HAGH: variants seen among roughly 807,000 people sequenced by gnomAD.
HAGH encodes hydroxyacylglutathione hydrolase, also known as hydroxyacylglutathione hydrolase, mitochondrial.
A neutral mutation model predicts 35.1 loss-of-function variants in HAGH; 29 were observed. The observed-to-expected ratio is 0.83, with a 90% CI of 0.62 to 1.13. HAGH has a LOEUF of 1.13. Ranked by LOEUF, HAGH falls within the 50% of genes most tolerant of loss-of-function variation. HAGH has a pLI of 0.00. For missense variants in HAGH, 478 were observed against 419.6 expected (o/e 1.14, Z -1.22); for synonymous variants, 225 against 176.1 (o/e 1.28, Z -2.20).
intron 2 of HAGH, 80 bp from the exon 3 acceptor site, chr16:1,822,444 C>T: frequency 9.2e-7 from 1 of 1,085,716 alleles, no homozygotes. Context: ...GGGTGCCCAG[C>T]AGAACCCAGG....
At chr16:1,826,100 C>A (rs1294595741) in intron 1 of HAGH, among the ~76,000 whole-genome samples, 2 of 152,232 alleles carry the variant, frequency 1.3e-5, no homozygotes, top group African/African-American at 4.8e-5. Context: ...CCCTGCAGAG[C>A]CTTGACAGCT....
rs199869920 is a variant in HAGH, at chr16:1,809,399, C to T, written c.828-17G>A. 784 of 1,597,730 alleles carry T rather than the reference C, an allele frequency of 4.9e-4. 5 individuals carry two copies. In the African/African-American group the frequency reaches 8.9e-3, roughly 18 times the overall value. Reference sequence around the variant, plus strand: ...GTCTTCTCCCTGCGGAGGCCAGCACCGGGCTGCAGGCTGTGCCGAGCCACG... The same window carrying T: ...GTCTTCTCCCTGCGGAGGCCAGCACTGGGCTGCAGGCTGTGCCGAGCCACG... On this transcript the variant is annotated splice_polypyrimidine_tract_variant and intron_variant, in intron 8 of 8. Coordinates refer to ENST00000397356, the MANE Select transcript of HAGH (RefSeq NM_005326.6).
rs571858440 is a variant in HAGH, at chr16:1,809,435, G to A, written c.828-53C>T. The A allele has an allele frequency of 5.6e-5, 80 of 1,424,078 alleles. 1 individual carries two copies. In the South Asian group the frequency reaches 6.4e-4, roughly 11 times the overall value. The allele number at this position is 1,424,078 out of a possible 1,614,324, so 88.2% of individuals were successfully genotyped here. A position where few individuals can be genotyped will look rare whatever the true frequency, so the allele number is the denominator to read the frequency against. On this transcript the variant is annotated intron_variant, in intron 8 of 8. Coordinates refer to ENST00000397356, the MANE Select transcript of HAGH (RefSeq NM_005326.6). ...CTGTGCCGAGCCACGCCCACCGGAG[G>A]AGCCAGGGCCACTGCAGAGGAAGGC...
chr16:1,826,578 A>G (rs1898437046), intron 1 of HAGH, 134 bp downstream of exon 1: 1 of 980,728 alleles, frequency 1.0e-6, no homozygotes, highest in Non-Finnish European at 1.2e-6. Flanking sequence ...CCTCCGCTCG[A>G]GCCCGGCAGC....
At chr16:1,821,651 TG>T (rs1261132864) in intron 3 of HAGH, 1 of 152,302 alleles carries the variant, frequency 6.6e-6, no homozygotes, top group Non-Finnish European at 1.5e-5. Context: ...TTGTTTTTTT[TG>T]AGACGGAGTC....
chr16:1,825,293 G>A (rs539336706), intron 1 of HAGH, among the ~76,000 whole-genome samples: 4 of 152,272 alleles, frequency 2.6e-5, no homozygotes, highest in South Asian at 2.1e-4. Context: ...CTGCCCAGGC[G>A]AAGAAAATGT....
At chr16:1,821,115 C>T (rs1013452105) in intron 3 of HAGH, among the ~76,000 whole-genome samples, 2 of 152,144 alleles carry the variant, frequency 1.3e-5, no homozygotes, top group East Asian at 1.9e-4. Context: ...GGCAGGCCAA[C>T]GTGCTGAGAG....
At position 1,809,837 on chromosome 16, in the gene HAGH, C is replaced by T. The variant is rs1567250346; in HGVS notation, c.748-4G>A. The stretch of plus-strand genomic sequence containing the variant: ...GCTCCCCGATGCTGTACTTCTCCTG[C>T]AAGAGAAACGCACCACTTTATCACG... On this transcript the variant is annotated splice_polypyrimidine_tract_variant and splice_region_variant and intron_variant, in intron 7 of 8. Coordinates refer to ENST00000397356, the MANE Select transcript of HAGH (RefSeq NM_005326.6). The T allele has an allele frequency of 6.2e-7, 1 of 1,611,806 alleles. No homozygotes were observed. The highest frequency in any genetic ancestry group is 8.5e-7 in the Non-Finnish European group (1 of 1,177,870).
intron 5 of HAGH, 103 bp downstream of exon 5, chr16:1,819,012 G>T: frequency 1.4e-6 from 1 of 707,536 alleles, no homozygotes; most frequent in Non-Finnish European, 2.5e-6. Context: ...CCCTCACACC[G>T]GTGCAACAGA....
At chr16:1,809,411 T>C (rs750907544) in intron 8 of HAGH, 29 bp from the exon 9 acceptor site, 7 of 1,575,924 alleles carry the variant, frequency 4.4e-6, no homozygotes, top group Non-Finnish European at 6.1e-6. Flanking sequence ...GGCTGCAGGC[T>C]GTGCCGAGCC....
Position 1,809,328 on chromosome 16 carries a change from C to T in HAGH, c.882G>A (p.Arg294=), listed in dbSNP as rs769848135. 1.1e-5 allele frequency: 17 copies of T among 1,613,678 alleles called. No homozygotes were observed. The highest frequency in any genetic ancestry group is 1.3e-5 in the Non-Finnish European group (15 of 1,179,896). Residue 294 remains arginine (R), a synonymous_variant, in exon 9 of 9, where the codon CGG becomes CGA. Transcript: ENST00000397356. The stretch of plus-strand genomic sequence containing the variant: ...ACTGGTCCTTCTCCCTGCGCACGGC[C>T]CGCATGGTGGTCACCGGGTCCGTCT... ...AGETDPVTTM[R]AVRREKDQFK...
At chr16:1,822,586 A>G (rs1381042398) in intron 2 of HAGH, among the ~76,000 whole-genome samples, 1 of 151,986 alleles carries the variant, frequency 6.6e-6, no homozygotes, top group East Asian at 1.9e-4. Context: ...GACCGCTCCA[A>G]GCCCCTCCAG....
intron 7 of HAGH, among the ~76,000 whole-genome samples, chr16:1,815,386 C>T (rs1258815812): frequency 6.6e-6 from 1 of 152,194 alleles, no homozygotes; most frequent in Non-Finnish European, 1.5e-5. Context: ...ATGTCCATAG[C>T]AGCTTTATTC....
At chr16:1,820,939 G>A (rs1359723626) in intron 3 of HAGH, among the ~76,000 whole-genome samples, 1 of 152,182 alleles carries the variant, frequency 6.6e-6, no homozygotes, top group African/African-American at 2.4e-5. Flanking sequence ...GAATGTTAGA[G>A]GGGCCGGGGA....
intron 3 of HAGH, 24 bp from the exon 4 acceptor site, chr16:1,820,038 G>A (rs1295079090): frequency 7.8e-6 from 4 of 515,664 alleles, no homozygotes; most frequent in Non-Finnish European, 1.0e-5. Flanking sequence ...AGGAGACCTG[G>A]GCTGCCTGCT....
chr16:1,823,156 G>T (rs1346518124), intron 1 of HAGH, 119 bp from the exon 2 acceptor site: 5 of 843,010 alleles, frequency 5.9e-6, no homozygotes, highest in Non-Finnish European at 9.6e-6. Flanking sequence ...TTCTGGCCAG[G>T]TATGGTGGTT....
At chr16:1,824,340 T>A (rs112483509) in intron 1 of HAGH, among the ~76,000 whole-genome samples, 126 of 152,196 alleles carry the variant, frequency 8.3e-4, no homozygotes, top group African/African-American at 2.9e-3. Context: ...CAGATTCAAG[T>A]GTGGAGGACA....
intron 3 of HAGH, among the ~76,000 whole-genome samples, chr16:1,820,460 GCCC>G (rs1567260324): frequency 5.3e-5 from 8 of 151,296 alleles, no homozygotes; most frequent in African/African-American, 1.7e-4. Flanking sequence ...CCAGTTTGTG[GCCC>G]GACACTCTGG....
chr16:1,814,760 T>C (rs983135822), intron 7 of HAGH, among the ~76,000 whole-genome samples: 4 of 151,816 alleles, frequency 2.6e-5, no homozygotes, highest in Non-Finnish European at 5.9e-5. Flanking sequence ...TAGCTGGGCG[T>C]GGTGACGGGC....
Sources: allele counts gnomAD v4.1 joint callset (sites outside exome capture counted in the v4.1 genomes callset), GRCh38; gene constraint gnomAD v4.1.1; transcripts MANE v1.5; gene names NCBI Gene and HGNC (gene_info 2026-07-23, HGNC 2026-07-21).